The following CYP27C1 variants were observed in gnomAD, a reference collection of about 807,000 sequenced individuals.
The protein encoded by CYP27C1 is cytochrome P450 family 27 subfamily C member 1.
Under a neutral mutation model 40.6 loss-of-function variants are expected in CYP27C1, and 29 were observed. That is an observed-to-expected ratio of 0.71 (90% CI 0.53 to 0.97). CYP27C1 has a LOEUF of 0.97. Among genes scored for constraint, CYP27C1 ranks in the 50% least tolerant of loss-of-function variants. CYP27C1 has a pLI of 0.00. For synonymous variants in CYP27C1, 198 were observed against 186.8 expected (o/e 1.06, Z -0.49); for missense variants, 390 against 485.8 (o/e 0.80, Z 1.85).
At chr2:127,191,480 C>T (rs4574063) in intron 8 of CYP27C1, among the ~76,000 whole-genome samples, 5,115 of 152,198 alleles carry the variant, frequency 0.034, 289 homozygotes, top group African/African-American at 0.11. Flanking sequence ...CTCACCGATG[C>T]CCTTCGGGAG....
chr2:127,214,788 T>TG (rs200793176), intron 1 of CYP27C1, among the ~76,000 whole-genome samples: 11 of 142,632 alleles, frequency 7.7e-5, no homozygotes, highest in Non-Finnish European at 1.2e-4. Flanking sequence ...TTTTGTTTTT[T>TG]TTTTTTTTTT....
intron 2 of CYP27C1, 117 bp downstream of exon 2, chr2:127,205,783 A>T (rs1683213524): frequency 5.1e-6 from 5 of 983,198 alleles, no homozygotes; most frequent in South Asian, 4.7e-5. Context: ...ATATCATTCC[A>T]TGGGGGGGTT....
chr2:127,197,469 C>T (rs1014711174), intron 5 of CYP27C1, among the ~76,000 whole-genome samples: 1 of 152,102 alleles, frequency 6.6e-6, no homozygotes, highest in African/African-American at 2.4e-5. Flanking sequence ...CGGGAAGCAC[C>T]CGTGCAAAGG....
rs1304916214 is a variant in CYP27C1 at position 127,193,141 on chromosome 2, T to C, written c.1450A>G (p.Ile484Val). 1 of 1,614,096 alleles carries C rather than the reference T, an allele frequency of 6.2e-7. No individual in the cohort carries two copies. Among genetic ancestry groups the C allele is most frequent in the African/African-American group, 1.3e-5 (1 of 74,932 alleles). ...IPFGHGVRSC[I>V]GRRIAELEIH... ...TCCAGTTCTGCAATTCTCCGCCCTA[T>C]GCAGCTGCGAACCCCATGACCAAAG... Residue 484 changes from isoleucine (I) to valine (V), a missense_variant, in exon 8 of 9, where the codon ATA becomes GTA. Transcript: ENST00000664447.
At position 127,199,463 on chromosome 2, in the gene CYP27C1, A is replaced by C. The variant is rs1261555263; in HGVS notation, c.960T>G (p.Leu320=). 6.2e-6 allele frequency: 10 copies of C among 1,614,092 alleles called. No homozygotes were observed. Among genetic ancestry groups the C allele is most frequent in the Non-Finnish European group, 4.2e-6 (5 of 1,180,048 alleles). ...MDRGRRVSGG[L]LTYLFLSQAL... ...CCTGGCTAAGGAAGAGGTATGTGAGAAGTCCCCCGCTCACCCTCCGGCCTC... is the reference window on the plus strand; with the variant it reads ...CCTGGCTAAGGAAGAGGTATGTGAGCAGTCCCCCGCTCACCCTCCGGCCTC... The change falls in exon 5 of 9, where the codon CTT becomes CTG. Residue 320 remains leucine, a synonymous_variant. Transcript: ENST00000664447.
At chr2:127,187,991 A>G (rs373491690) in intron 8 of CYP27C1, among the ~76,000 whole-genome samples, 25 of 152,298 alleles carry the variant, frequency 1.6e-4, no homozygotes, top group Admixed American at 2.6e-4. Flanking sequence ...GTGAGTTTGA[A>G]AGAACACCTA....
At position 127,209,887 on chromosome 2, in the gene CYP27C1, C is replaced by T. The variant is rs566150181; in HGVS notation, c.283-3797G>A. On this transcript the variant is annotated intron_variant, in intron 1 of 8. Transcript: ENST00000664447. This position sits in a 1 kb window ranked among gnomAD's most constrained non-coding sequence, Gnocchi z 4.1. ...TTCATAAAAACAGCAAACCTACAATCGACTGGAGCACCAGAAGGAGACGGG... is the reference window on the plus strand; with the variant it reads ...TTCATAAAAACAGCAAACCTACAATTGACTGGAGCACCAGAAGGAGACGGG... Among the ~76,000 whole-genome samples, 1 of 152,262 alleles carries T rather than the reference C, an allele frequency of 6.6e-6. No homozygotes were observed. The highest frequency in any genetic ancestry group is 6.5e-5 in the Admixed American group (1 of 15,290).
At chr2:127,199,288 C>G in intron 5 of CYP27C1, 88 bp downstream of exon 5, 3 of 1,526,834 alleles carry the variant, frequency 2.0e-6, no homozygotes, top group Non-Finnish European at 2.7e-6. Flanking sequence ...CTCCATCCTC[C>G]CGCTCCAAAA....
At chr2:127,191,373 G>A (rs772084913) in intron 8 of CYP27C1, among the ~76,000 whole-genome samples, 7 of 152,118 alleles carry the variant, frequency 4.6e-5, no homozygotes, top group Non-Finnish European at 7.4e-5. Context: ...ACCCCATCAC[G>A]AGCTCCAAAT....
chr2:127,204,666 G>A (rs1329012183), intron 2 of CYP27C1, among the ~76,000 whole-genome samples: 2 of 152,014 alleles, frequency 1.3e-5, no homozygotes, highest in African/African-American at 4.8e-5. Flanking sequence ...AAGAAAGAGG[G>A]ACTGCAGCTT....
rs141728411 is a variant in CYP27C1 at position 127,187,310 on chromosome 2, T to C, written c.1575A>G (p.Pro525=). 2 of 1,614,194 alleles carry C rather than the reference T, an allele frequency of 1.2e-6. No homozygotes were observed. Among genetic ancestry groups the C allele is most frequent in the African/African-American group, 2.7e-5 (2 of 75,056 alleles). ...CAAATCGCACGTGGATGGGCCCCCC[T>C]GGCGTCAGGAGCCCGTGGGTTTTTG... ...VHAKTHGLLT[P]GGPIHVRFVN... is the part of the protein sequence containing the mutation. Residue 525 remains proline (P), a synonymous_variant, in exon 9 of 9, where the codon CCA becomes CCG. Coordinates refer to ENST00000664447, the MANE Select transcript of CYP27C1 (RefSeq NM_001367502.1).
intron 6 of CYP27C1, 72 bp from the exon 7 acceptor site, chr2:127,193,939 TG>T (rs1434922812): frequency 2.4e-5 from 36 of 1,498,172 alleles, no homozygotes; most frequent in Non-Finnish European, 3.2e-5. Context: ...TTCAGAACCC[TG>T]GATATATTCC....
At chr2:127,211,020 T>C (rs1573906190) in intron 1 of CYP27C1, among the ~76,000 whole-genome samples, 1 of 152,328 alleles carries the variant, frequency 6.6e-6, no homozygotes, top group East Asian at 1.9e-4. Flanking sequence ...GTGGACCTAG[T>C]AGATGTCTAC....
rs1457011519 is a variant in CYP27C1, at chr2:127,186,400, AT to A, written c.*870del. ...ATTTTATTTTATTTTATTTTATTTTATTTTATTTTATTTTTGAGAAAGGGTC... is the reference window on the plus strand; with the variant it reads ...ATTTTATTTTATTTTATTTTATTTTATTTATTTTATTTTTGAGAAAGGGTC... On this transcript the variant is annotated 3_prime_UTR_variant, in exon 9 of 9. Transcript: ENST00000664447. The surrounding 1 kb of genome is among the most constrained non-coding windows in gnomAD (Gnocchi z 4.5). 7 of 149,868 alleles carry A rather than the reference AT, an allele frequency of 4.7e-5. No homozygotes were observed. The highest frequency in any genetic ancestry group is 7.5e-5 in the African/African-American group (3 of 40,022). 9.3% of individuals were successfully genotyped at this position (149,868 alleles called of 1,614,324 possible).
chr2:127,189,621 TAAAA>T (rs34402051), intron 8 of CYP27C1, among the ~76,000 whole-genome samples: 9 of 141,354 alleles, frequency 6.4e-5, no homozygotes, highest in African/African-American at 1.0e-4. Flanking sequence ...AAAGTAAAAT[TAAAA>T]AAAAAAAAAA....
rs1384390666 is a variant in CYP27C1, at chr2:127,204,551, G to GAGAGAGAAAGAAAGAAAGAA, written c.474-1000_474-981dup. 5.5e-4 allele frequency among the ~76,000 whole-genome samples: 28 copies of GAGAGAGAAAGAAAGAAAGAA among 51,300 alleles called. 2 individuals are homozygous for GAGAGAGAAAGAAAGAAAGAA. Among genetic ancestry groups the GAGAGAGAAAGAAAGAAAGAA allele is most frequent in the African/African-American group, 1.9e-3 (28 of 14,724 alleles). The allele number at this position is 51,300 out of a possible 152,430, so 33.7% of individuals were successfully genotyped here. Reference sequence around the variant, plus strand: ...AAAGAAAGAAAGAGAGAGAGAGAGAGAGAGAGAAAGAAAGAAAGAAAGAAA... The same window carrying GAGAGAGAAAGAAAGAAAGAA: ...AAAGAAAGAAAGAGAGAGAGAGAGAGAGAGAGAAAGAAAGAAAGAAAGAGAGAAAGAAAGAAAGAAAGAAA... On this transcript the variant is annotated intron_variant, in intron 2 of 8. Coordinates refer to ENST00000664447, the MANE Select transcript of CYP27C1 (RefSeq NM_001367502.1).
chr2:127,190,352 T>C (rs1461045823), intron 8 of CYP27C1, among the ~76,000 whole-genome samples: 2 of 140,668 alleles, frequency 1.4e-5, no homozygotes, highest in Non-Finnish European at 3.1e-5. Context: ...CTTTTTTTTT[T>C]TTTTTTTTGA....
Position 127,208,657 on chromosome 2 carries a change from T to C in CYP27C1, c.283-2567A>G, listed in dbSNP as rs1221350696. 1.3e-5 allele frequency among the ~76,000 whole-genome samples: 2 copies of C among 152,166 alleles called. No homozygotes were observed. Among genetic ancestry groups the C allele is most frequent in the Non-Finnish European group, 2.9e-5 (2 of 68,024 alleles). On this transcript the variant is annotated intron_variant, in intron 1 of 8. Coordinates refer to ENST00000664447, the MANE Select transcript of CYP27C1 (RefSeq NM_001367502.1). The surrounding 1 kb of genome is among the most constrained non-coding windows in gnomAD (Gnocchi z 5.2). ...ATTTCTATAGCTCCAGGCTGCACTTTTCCCCTGCTGGAGCCAGGGAGGCTG... is the reference window on the plus strand; with the variant it reads ...ATTTCTATAGCTCCAGGCTGCACTTCTCCCCTGCTGGAGCCAGGGAGGCTG...
intron 3 of CYP27C1, among the ~76,000 whole-genome samples, chr2:127,202,825 CT>C (rs1683067795): frequency 6.6e-6 from 1 of 151,474 alleles, no homozygotes; most frequent in African/African-American, 2.4e-5. Context: ...AACTAACTTT[CT>C]GCCTCTAAAA....
Sources: gnomAD v4.1 joint callset for allele counts (sites outside exome capture counted in the v4.1 genomes callset) on GRCh38, gnomAD v4.1.1 for gene constraint, Gnocchi (gnomAD v3.1) non-coding constraint, MANE v1.5 for transcripts, NCBI Gene and HGNC (gene_info 2026-07-23, HGNC 2026-07-21) for gene names.